Variants in SAMMSON observed in about 807,000 individuals in gnomAD.
The protein encoded by SAMMSON is long intergenic non-protein coding RNA 1212.
intron 6 of SAMMSON, among the ~76,000 whole-genome samples, chr3:70,273,451 A>G (rs371041358): frequency 1.8e-4 from 28 of 152,320 alleles, no homozygotes; most frequent in East Asian, 1.4e-3. Context: ...TTTTGGGATC[A>G]TTGCCATCAC....
At chr3:70,267,165 G>T (rs1701923406) in intron 6 of SAMMSON, among the ~76,000 whole-genome samples, 1 of 152,082 alleles carries the variant, frequency 6.6e-6, no homozygotes, top group Admixed American at 6.6e-5. Flanking sequence ...TTCTCTGATT[G>T]ATTATGTAGG....
intron 4 of SAMMSON, among the ~76,000 whole-genome samples, chr3:70,131,380 C>T (rs1036815737): frequency 2.0e-5 from 3 of 152,196 alleles, no homozygotes; most frequent in Non-Finnish European, 2.9e-5. Context: ...AAGCAATCCC[C>T]AACCCCATGA....
intron 4 of SAMMSON, among the ~76,000 whole-genome samples, chr3:70,103,425 T>C (rs1327548403): frequency 6.6e-6 from 1 of 152,208 alleles, no homozygotes; most frequent in Non-Finnish European, 1.5e-5. Context: ...GCCAAATGGT[T>C]TCCTGCCATA....
intron 4 of SAMMSON, among the ~76,000 whole-genome samples, chr3:70,191,484 AG>A (rs1046057790): frequency 3.7e-4 from 57 of 152,334 alleles, no homozygotes; most frequent in Non-Finnish European, 6.8e-4. Context: ...GAACACTAAA[AG>A]GTAAGTCTTT....
chr3:70,105,040 C>T (rs2067362183), intron 4 of SAMMSON, among the ~76,000 whole-genome samples: 1 of 152,004 alleles, frequency 6.6e-6, no homozygotes, highest in South Asian at 2.1e-4. Context: ...AGCCAAGCAC[C>T]CTTTCTCAAG....
rs572943956 is a variant in SAMMSON, at chr3:70,258,769, G to C, written n.674+9099G>C. Among the ~76,000 whole-genome samples, 7 of 152,140 alleles carry C rather than the reference G, an allele frequency of 4.6e-5. No homozygotes were observed. The South Asian group carries it at 1.5e-3, about 32-fold the overall frequency. ...AAAAATAACAAACAATAGGGAAATG[G>C]AACCTTGCAAAAAGTGTTATTTAGC... On this transcript the variant is annotated intron_variant and non_coding_transcript_variant, in intron 6 of 9. Transcript: ENST00000642114.
At chr3:70,275,293 C>A (rs1021273953) in intron 6 of SAMMSON, among the ~76,000 whole-genome samples, 1 of 152,062 alleles carries the variant, frequency 6.6e-6, no homozygotes, top group Admixed American at 6.6e-5. Context: ...CAGGCCGAGG[C>A]AGGAGGATCA....
At chr3:70,403,762 G>A (rs1701158866) in intron 2 of SAMMSON, among the ~76,000 whole-genome samples, 1 of 152,048 alleles carries the variant, frequency 6.6e-6, no homozygotes. Flanking sequence ...GTCCTCATTT[G>A]TATCTTCTGA....
At chr3:70,261,357 A>G (rs754418576) in intron 6 of SAMMSON, among the ~76,000 whole-genome samples, 1 of 152,192 alleles carries the variant, frequency 6.6e-6, no homozygotes, top group Non-Finnish European at 1.5e-5. Flanking sequence ...GCTTCAAAAA[A>G]AGTTGATGTG....
In SAMMSON at chr3:70,043,037, T is replaced by C. The variant is rs2067111559; in HGVS notation, n.418-28439T>C. Among the ~76,000 whole-genome samples the C allele has an allele frequency of 2.0e-5, 3 of 152,136 alleles. No homozygotes were observed. In the South Asian group the frequency reaches 6.2e-4, roughly 31 times the overall value. On this transcript the variant is annotated intron_variant and non_coding_transcript_variant, in intron 3 of 9. Transcript: ENST00000642114. ...CTAATGGTGTTTTAAAGAGAAGTTGTCCTTTTTCATGTATATCATGCACCC... is the reference window on the plus strand; with the variant it reads ...CTAATGGTGTTTTAAAGAGAAGTTGCCCTTTTTCATGTATATCATGCACCC...
intron 4 of SAMMSON, among the ~76,000 whole-genome samples, chr3:70,169,744 A>G (rs1420648143): frequency 6.6e-6 from 1 of 151,028 alleles, no homozygotes; most frequent in Non-Finnish European, 1.5e-5. Flanking sequence ...TCAGAAGAGG[A>G]TAATAAATTT....
chr3:70,345,915 G>A (rs891518950), intron 7 of SAMMSON, among the ~76,000 whole-genome samples: 7 of 152,108 alleles, frequency 4.6e-5, no homozygotes, highest in African/African-American at 1.7e-4. Flanking sequence ...GAGTTTTGTT[G>A]ATTATGAATA....
At chr3:70,300,090 A>G (rs2204110) in intron 7 of SAMMSON, among the ~76,000 whole-genome samples, 31,537 of 151,910 alleles carry the variant, frequency 0.21, 3,468 homozygotes, top group South Asian at 0.28. Context: ...CCCATTTTTC[A>G]GAATTCTAGA....
chr3:70,019,123 T>G (rs1450613005), intron 3 of SAMMSON, among the ~76,000 whole-genome samples: 1 of 152,132 alleles, frequency 6.6e-6, no homozygotes, highest in Non-Finnish European at 1.5e-5. Context: ...CTGAGTTCAA[T>G]TCCTGGATAT....
intron 4 of SAMMSON, among the ~76,000 whole-genome samples, chr3:70,145,725 T>C (rs1683775818): frequency 6.6e-6 from 1 of 151,992 alleles, no homozygotes; most frequent in African/African-American, 2.4e-5. Context: ...TTTATAGCAT[T>C]AGCTGCTTAT....
intron 3 of SAMMSON, among the ~76,000 whole-genome samples, chr3:70,035,224 C>A (rs552968912): frequency 6.6e-6 from 1 of 152,236 alleles, no homozygotes; most frequent in East Asian, 1.9e-4. Context: ...TGCCTCAGCC[C>A]TATTCCTTAG....
At chr3:70,123,936 A>G (rs999898403) in intron 4 of SAMMSON, among the ~76,000 whole-genome samples, 2 of 152,226 alleles carry the variant, frequency 1.3e-5, no homozygotes, top group Admixed American at 1.3e-4. Flanking sequence ...CAGCACAGGA[A>G]GTAGCATAGC....
chr3:70,097,029 C>T (rs1023630147), intron 4 of SAMMSON, among the ~76,000 whole-genome samples: 1 of 152,134 alleles, frequency 6.6e-6, no homozygotes, highest in South Asian at 2.1e-4. Context: ...TGTTTTTCTC[C>T]CCTTGCAGAT....
At chr3:70,385,358 A>C (rs1295870507) in intron 9 of SAMMSON, among the ~76,000 whole-genome samples, 1 of 152,152 alleles carries the variant, frequency 6.6e-6, no homozygotes, top group Non-Finnish European at 1.5e-5. Context: ...TTGAAGACAA[A>C]GGCCAAAATT....
Sources: allele counts gnomAD v4.1 joint callset (sites outside exome capture counted in the v4.1 genomes callset), GRCh38; gene constraint gnomAD v4.1.1; transcripts MANE v1.5; gene names NCBI Gene and HGNC (gene_info 2026-07-23, HGNC 2026-07-21).